The following MAGI3 variants were observed in gnomAD, a reference collection of about 807,000 sequenced individuals.
The protein encoded by MAGI3 is membrane associated guanylate kinase, WW and PDZ domain containing 3.
MAGI3 carries 43 observed loss-of-function variants against 121.8 expected under a neutral mutation model. The observed-to-expected ratio is 0.35, with a 90% CI of 0.28 to 0.46. The LOEUF is 0.46. Ranked by LOEUF, MAGI3 falls within the 20% of genes least tolerant of loss-of-function variation. The pLI, the probability that MAGI3 is intolerant of heterozygous loss-of-function variation, is 1.00. For missense variants in MAGI3, 1,547 were observed against 1,797.3 expected, an observed-to-expected ratio of 0.86 and a Z score of 2.52; for synonymous variants, 553 against 639.3, an observed-to-expected ratio of 0.86 and a Z score of 2.04.
chr1:113,660,893 C>G (rs899495327), intron 16 of MAGI3, among the ~76,000 whole-genome samples: 1 of 151,560 alleles, frequency 6.6e-6, no homozygotes, highest in African/African-American at 2.4e-5. Context: ...CGTGAGCCAC[C>G]ATGCCTGGCC....
At chr1:113,492,457 A>G (rs1570754642) in intron 1 of MAGI3, among the ~76,000 whole-genome samples, 1 of 152,350 alleles carries the variant, frequency 6.6e-6, no homozygotes, top group East Asian at 1.9e-4. Flanking sequence ...GAAAACTTGC[A>G]CAAGAAAAAG....
chr1:113,578,193 TAGCAGGAGCATTCCAAG>T (rs1272893944), intron 2 of MAGI3, among the ~76,000 whole-genome samples: 1 of 152,104 alleles, frequency 6.6e-6, no homozygotes, highest in African/African-American at 2.4e-5. Flanking sequence ...CCTTGCATGG[TAGCAGGAGCATTCCAAG>T]AGGGTGAATA....
chr1:113,415,942 T>C (rs1388265247), intron 1 of MAGI3, among the ~76,000 whole-genome samples: 1 of 150,474 alleles, frequency 6.6e-6, no homozygotes, highest in East Asian at 1.9e-4. Flanking sequence ...CTAGTGAAAG[T>C]AGCCAAATGT....
At chr1:113,405,739 C>T (rs1651649854) in intron 1 of MAGI3, among the ~76,000 whole-genome samples, 1 of 152,018 alleles carries the variant, frequency 6.6e-6, no homozygotes, top group South Asian at 2.1e-4. Context: ...TTCTCTGCTG[C>T]CTTTGATTTG....
At chr1:113,549,683 T>A in intron 2 of MAGI3, 52 bp downstream of exon 2, 1 of 960,888 alleles carries the variant, frequency 1.0e-6, no homozygotes, top group Non-Finnish European at 1.6e-6. Flanking sequence ...CTTTCTTAAC[T>A]AATTAAACAT....
Position 113,450,202 on chromosome 1 carries a change from A to T in MAGI3, c.316+58853A>T, listed in dbSNP as rs576419502. On this transcript the variant is annotated intron_variant, in intron 1 of 20. Coordinates refer to ENST00000307546, the MANE Select transcript of MAGI3 (RefSeq NM_001142782.2). Reference sequence around the variant, plus strand: ...AATTGTTGTTCAGAAATACCACACTATTAATGGGCATAATTGTGAAGTGAA... The same window carrying T: ...AATTGTTGTTCAGAAATACCACACTTTTAATGGGCATAATTGTGAAGTGAA... 4.5e-5 allele frequency: 70 copies of T among 1,571,082 alleles called. No homozygotes were observed. In the African/African-American group the frequency reaches 7.8e-4, roughly 18 times the overall value.
intron 1 of MAGI3, among the ~76,000 whole-genome samples, chr1:113,447,077 A>T (rs1033061187): frequency 6.6e-6 from 1 of 152,200 alleles, no homozygotes; most frequent in African/African-American, 2.4e-5. Flanking sequence ...AATAGTGATG[A>T]TGGTTGCATG....
chr1:113,422,395 G>A lies in MAGI3; in HGVS notation c.316+31046G>A, dbSNP rs577006513. On this transcript the variant is annotated intron_variant, in intron 1 of 20. Transcript: ENST00000307546. This position sits in a 1 kb window ranked among gnomAD's most constrained non-coding sequence, Gnocchi z 4.3. ...TGGCACCTCTACTTGAGTTTTGCTC[G>A]CACCTGCTGGGCTCGTTCTGCCCAC... 2.6e-5 allele frequency among the ~76,000 whole-genome samples: 4 copies of A among 152,344 alleles called. No homozygotes were observed. The highest frequency in any genetic ancestry group is 7.2e-5 in the African/African-American group (3 of 41,574).
intron 4 of MAGI3, among the ~76,000 whole-genome samples, chr1:113,588,812 G>A (rs2101732394): frequency 6.6e-6 from 1 of 152,274 alleles, no homozygotes; most frequent in Middle Eastern, 3.4e-3. Context: ...AGAGAGAACT[G>A]GAAGAGTGGA....
intron 16 of MAGI3, among the ~76,000 whole-genome samples, chr1:113,660,616 A>ATT (rs11363456): frequency 1.5e-5 from 2 of 129,318 alleles, no homozygotes. Flanking sequence ...GATGCTCAGC[A>ATT]TTTTTTTTTT....
At chr1:113,461,586 A>C (rs1460655755) in intron 1 of MAGI3, among the ~76,000 whole-genome samples, 4 of 152,208 alleles carry the variant, frequency 2.6e-5, no homozygotes, top group Non-Finnish European at 5.9e-5. Context: ...AGATGGATCA[A>C]AGGCTTAAAT....
chr1:113,512,223 T>G (rs1657649534), intron 1 of MAGI3, among the ~76,000 whole-genome samples: 1 of 152,208 alleles, frequency 6.6e-6, no homozygotes, highest in Non-Finnish European at 1.5e-5. Flanking sequence ...AGTGTTAGAT[T>G]TATAAAATCA....
intron 12 of MAGI3, 116 bp downstream of exon 12, chr1:113,646,758 A>G (rs370141087): frequency 2.6e-6 from 2 of 764,964 alleles, no homozygotes; most frequent in South Asian, 3.3e-5. Flanking sequence ...CTTCATTACC[A>G]TTTTAATAGA....
At chr1:113,611,798 C>T (rs1190443898) in intron 6 of MAGI3, among the ~76,000 whole-genome samples, 2 of 152,114 alleles carry the variant, frequency 1.3e-5, no homozygotes, top group Non-Finnish European at 1.5e-5. Context: ...TGTGCTTGTT[C>T]ATAAAATTCA....
intron 1 of MAGI3, among the ~76,000 whole-genome samples, chr1:113,493,917 T>C (rs1656787491): frequency 6.6e-6 from 1 of 152,160 alleles, no homozygotes; most frequent in African/African-American, 2.4e-5. Flanking sequence ...ACGCTGTTGA[T>C]GGGAATGAGT....
intron 1 of MAGI3, among the ~76,000 whole-genome samples, chr1:113,439,682 T>G (rs199646233): frequency 6.6e-6 from 1 of 151,964 alleles, no homozygotes; most frequent in Non-Finnish European, 1.5e-5. Flanking sequence ...AAACTAAAGT[T>G]TGAGTGTCTC....
At chr1:113,556,092 A>C (rs1276451605) in intron 2 of MAGI3, among the ~76,000 whole-genome samples, 2 of 152,218 alleles carry the variant, frequency 1.3e-5, no homozygotes, top group African/African-American at 4.8e-5. Flanking sequence ...ATGGAAACTT[A>C]CAGTATTAAA....
chr1:113,411,841 G>T (rs763063739), intron 1 of MAGI3, among the ~76,000 whole-genome samples: 1 of 151,622 alleles, frequency 6.6e-6, no homozygotes, highest in Non-Finnish European at 1.5e-5. Flanking sequence ...TGTACAATTT[G>T]TTTGTGAAAG....
At chr1:113,467,366 T>C (rs572293420) in intron 1 of MAGI3, among the ~76,000 whole-genome samples, 2 of 152,280 alleles carry the variant, frequency 1.3e-5, no homozygotes, top group East Asian at 3.9e-4. Context: ...GCCTAAGATA[T>C]GGTCTCTTCT....
Sources: gnomAD v4.1 joint callset for allele counts (sites outside exome capture counted in the v4.1 genomes callset) on GRCh38, gnomAD v4.1.1 for gene constraint, Gnocchi (gnomAD v3.1) non-coding constraint, MANE v1.5 for transcripts, NCBI Gene and HGNC (gene_info 2026-07-23, HGNC 2026-07-21) for gene names.